The following MEF2C variants were observed in gnomAD, a reference collection of about 807,000 sequenced individuals.
MEF2C encodes myocyte-specific enhancer factor 2C.
Under a neutral mutation model 50.5 loss-of-function variants are expected in MEF2C, and 6 were observed. That is an observed-to-expected ratio of 0.12 (90% confidence interval 0.07 to 0.23). The LOEUF (loss-of-function observed/expected upper bound fraction) is 0.23. MEF2C is among the 10% of genes least tolerant of loss of function. MEF2C has a pLI of 1.00. For synonymous variants in MEF2C, 183 were observed against 228.0 expected, an observed-to-expected ratio of 0.80 and a Z score of 1.78; for missense variants, 276 against 605.0, an observed-to-expected ratio of 0.46 and a Z score of 5.70.
chr5:88,847,661 A>G (rs1360548789), intron 1 of MEF2C, among the ~76,000 whole-genome samples: 4 of 152,056 alleles, frequency 2.6e-5, no homozygotes, highest in African/African-American at 9.7e-5. Flanking sequence ...TTCCTCTATT[A>G]CCACTTTTCT....
intron 1 of MEF2C, among the ~76,000 whole-genome samples, chr5:88,855,168 A>G (rs2153401780): frequency 6.6e-6 from 1 of 152,338 alleles, no homozygotes; most frequent in South Asian, 2.1e-4. Flanking sequence ...ATTTTTAAAC[A>G]GCTGTTTTTA....
chr5:88,745,274 C>T (rs1768855698), intron 6 of MEF2C, among the ~76,000 whole-genome samples: 2 of 152,168 alleles, frequency 1.3e-5, no homozygotes, highest in South Asian at 2.1e-4. Context: ...CCAGATGTTG[C>T]AATCATAATG....
chr5:88,820,184 T>A (rs1316587332), intron 2 of MEF2C, among the ~76,000 whole-genome samples: 1 of 151,988 alleles, frequency 6.6e-6, no homozygotes, highest in South Asian at 2.1e-4. Context: ...TTTTACATAC[T>A]TGCTTAAGAA....
intron 3 of MEF2C, among the ~76,000 whole-genome samples, chr5:88,781,257 A>G (rs1009759229): frequency 2.0e-5 from 3 of 152,226 alleles, no homozygotes; most frequent in Non-Finnish European, 4.4e-5. Flanking sequence ...TGTCCAAAGT[A>G]TGCGTGTGTA....
rs1471881220 is a variant in MEF2C, at chr5:88,900,482, T to A, written c.-240+3434A>T. On this transcript the variant is annotated intron_variant, in intron 1 of 11. Coordinates refer to the MEF2C transcript ENST00000340208. The stretch of plus-strand genomic sequence containing the variant: ...TTCTAAATATATGTATTACCTTTGA[T>A]AATTTTTTTATTTCTGCTATTTCAT... 2.6e-5 allele frequency among the ~76,000 whole-genome samples: 4 copies of A among 152,000 alleles called. No individual in the cohort carries two copies. In the East Asian group the frequency reaches 7.7e-4, roughly 29 times the overall value.
At chr5:88,811,204 C>T (rs990312951) in intron 2 of MEF2C, among the ~76,000 whole-genome samples, 3 of 151,694 alleles carry the variant, frequency 2.0e-5, no homozygotes, top group African/African-American at 7.3e-5. Context: ...GCATGAGGAA[C>T]CATTGAAAGA....
In MEF2C at chr5:88,735,523, A is replaced by G. The variant is rs1016301407; in HGVS notation, c.638-3622T>C. On this transcript the variant is annotated intron_variant, in intron 6 of 10. Transcript: ENST00000504921. ...TGAAGTACAGACCAACTTTAGAGTC[A>G]GTTTGTTTTATAGTTTCATTTGATT... 9.2e-6 allele frequency: 9 copies of G among 979,968 alleles called. No individual in the cohort carries two copies. The Admixed American group carries it at 4.3e-4, about 47-fold the overall frequency. 60.7% of individuals were successfully genotyped at this position (979,968 alleles called of 1,614,324 possible). A position where few individuals can be genotyped will look rare whatever the true frequency, so the allele number is the denominator to read the frequency against.
intron 1 of MEF2C, among the ~76,000 whole-genome samples, chr5:88,888,724 T>G (rs1834232746): frequency 6.6e-6 from 1 of 151,922 alleles, no homozygotes; most frequent in Non-Finnish European, 1.5e-5. Flanking sequence ...GGTAAGGTTT[T>G]TTTTTTTTTT....
chr5:88,873,865 A>T (rs1016495091), intron 1 of MEF2C, among the ~76,000 whole-genome samples: 1 of 151,888 alleles, frequency 6.6e-6, no homozygotes, highest in African/African-American at 2.4e-5. Context: ...AATAAAAAAA[A>T]GATTCACTTA....
intron 6 of MEF2C, chr5:88,739,711 C>A (rs1765690677): frequency 1.0e-6 from 1 of 984,940 alleles, no homozygotes; most frequent in South Asian, 4.7e-5. Context: ...TGTTGTGTAT[C>A]AAAATCAGTT....
intron 3 of MEF2C, among the ~76,000 whole-genome samples, chr5:88,783,458 G>A (rs185010694): frequency 6.6e-6 from 1 of 152,028 alleles, no homozygotes; most frequent in Admixed American, 6.6e-5. Flanking sequence ...GAGAAACCCT[G>A]TCTCTACTAA....
chr5:88,772,611 G>T (rs1305139220), intron 3 of MEF2C: 4 of 483,036 alleles, frequency 8.3e-6, no homozygotes, highest in Non-Finnish European at 1.1e-5. Context: ...CAGGCAGAGA[G>T]ATTTTTCAAG....
chr5:88,751,905 T>A lies in MEF2C; in HGVS notation c.541A>T (p.Ser181Cys). 1 of 1,614,012 alleles carries A rather than the reference T, an allele frequency of 6.2e-7. No homozygotes were observed. The highest frequency in any genetic ancestry group is 8.5e-7 in the Non-Finnish European group (1 of 1,179,882). The change falls in exon 5 of 11, where the codon AGT becomes TGT. Residue 181 changes from serine to cysteine, a missense_variant. By Grantham distance (112) the Ser-to-Cys change is moderately radical. This residue lies in a region of MEF2C where 256 missense variants were observed against 468.1 expected (regional missense o/e 0.55). Coordinates refer to ENST00000504921, the MANE Select transcript of MEF2C (RefSeq NM_002397.5). ...PLAHPSLQRNSMSPGVTHRPP... is the reference protein window; with the variant it reads ...PLAHPSLQRNCMSPGVTHRPP... ...CGATGTGTTACACCAGGAGACATAC[T>A]ATTCCTCTGCAGAGAAGGGTGAGCC...
At position 88,791,440 on chromosome 5, in the gene MEF2C, C is replaced by T. The variant is rs75972999; in HGVS notation, c.258+13158G>A. ...TTGAACCCTGTCTTTTCTGCTTCTA[C>T]TATTATTAAGTAATTATCTGCTCAC... On this transcript the variant is annotated intron_variant, in intron 3 of 10. Coordinates refer to ENST00000504921, the MANE Select transcript of MEF2C (RefSeq NM_002397.5). 1.9e-3 allele frequency among the ~76,000 whole-genome samples: 290 copies of T among 152,200 alleles called. 1 individual carries two copies. Among genetic ancestry groups the T allele is most frequent in the African/African-American group, 6.6e-3 (276 of 41,544 alleles).
At chr5:88,847,750 A>G (rs1182066582) in intron 1 of MEF2C, among the ~76,000 whole-genome samples, 1 of 152,136 alleles carries the variant, frequency 6.6e-6, no homozygotes, top group Admixed American at 6.5e-5. Flanking sequence ...CAGGACCTCT[A>G]GATAGAATTT....
At chr5:88,738,728 C>T (rs776197775) in intron 6 of MEF2C, 1 of 985,144 alleles carries the variant, frequency 1.0e-6, no homozygotes, top group Non-Finnish European at 1.2e-6. Flanking sequence ...TCAAGGTTGT[C>T]CTAAGCCAGA....
chr5:88,746,371 T>C (rs986141967), intron 6 of MEF2C: 4 of 328,530 alleles, frequency 1.2e-5, no homozygotes, highest in African/African-American at 9.0e-5. Context: ...TTTTGGTCTT[T>C]TAGTATTTAT....
chr5:88,815,923 AGGTGACT>A (rs1805117223), intron 2 of MEF2C, among the ~76,000 whole-genome samples: 1 of 152,092 alleles, frequency 6.6e-6, no homozygotes, highest in African/African-American at 2.4e-5. Flanking sequence ...GCAAAGCTAA[AGGTGACT>A]TGTAGCAGAC....
rs937242891 is a variant in MEF2C at position 88,737,523 on chromosome 5, C to T, written c.638-5622G>A. ...ACGAGTATTTGTTGCCACAGGTTGT[C>T]GTTATATCAAGGTAAATCTCAATAC... On this transcript the variant is annotated intron_variant, in intron 6 of 10. Coordinates refer to ENST00000504921, the MANE Select transcript of MEF2C (RefSeq NM_002397.5). The T allele has an allele frequency of 7.1e-6, 7 of 985,224 alleles. No homozygotes were observed. The African/African-American group carries it at 8.7e-5, about 12-fold the overall frequency. The allele number at this position is 985,224 out of a possible 1,614,324, so 61.0% of individuals were successfully genotyped here.
Sources: allele counts gnomAD v4.1 joint callset (sites outside exome capture counted in the v4.1 genomes callset), GRCh38; gene constraint gnomAD v4.1.1; regional missense constraint gnomAD v4.1.1; transcripts MANE v1.5; gene names NCBI Gene and HGNC (gene_info 2026-07-23, HGNC 2026-07-21).